Variants in PCDHGA7 observed in about 807,000 individuals in gnomAD.
PCDHGA7 encodes protocadherin gamma-A7.
In PCDHGA7, 44 loss-of-function variants were observed where a neutral mutation model predicts 58.3. The observed-to-expected ratio is 0.75, with a 90% CI of 0.59 to 0.97. The LOEUF is 0.97. PCDHGA7 is among the 50% of genes least tolerant of loss of function. The pLI is 0.00. For synonymous variants in PCDHGA7, 516 were observed against 504.2 expected, an observed-to-expected ratio of 1.02 and a Z score of -0.31; for missense variants, 1,266 against 1,188.7, an observed-to-expected ratio of 1.06 and a Z score of -0.96.
chr5:141,478,143 A>T (rs759384540), intron 1 of PCDHGA7: 1 of 1,614,014 alleles, frequency 6.2e-7, no homozygotes, highest in Non-Finnish European at 8.5e-7. Flanking sequence ...GCCCGAGCCG[A>T]GTTCCCCTCT....
intron 1 of PCDHGA7, chr5:141,421,565 A>T (rs1373619696): frequency 1.2e-6 from 2 of 1,613,834 alleles, no homozygotes; most frequent in Admixed American, 3.3e-5. Context: ...CTCGTGGAAG[A>T]CACCTTGAAG....
intron 3 of PCDHGA7, among the ~76,000 whole-genome samples, chr5:141,509,766 G>A (rs1176830940): frequency 6.6e-6 from 1 of 152,104 alleles, no homozygotes; most frequent in Non-Finnish European, 1.5e-5. Flanking sequence ...TCCCTGAGAT[G>A]TCTAGTCCCC....
At chr5:141,409,034 AACT>A in intron 1 of PCDHGA7, 6 of 1,613,992 alleles carry the variant, frequency 3.7e-6, no homozygotes, top group Non-Finnish European at 4.2e-6. Flanking sequence ...TGCTGAGATA[AACT>A]ACTACTTCCG....
chr5:141,394,724 G>C (rs2093074353), intron 1 of PCDHGA7: 2 of 1,613,380 alleles, frequency 1.2e-6, no homozygotes, highest in Non-Finnish European at 1.7e-6. Context: ...ACAGAGATGC[G>C]CTCAAGCAGA....
At position 141,463,438 on chromosome 5, in the gene PCDHGA7, C is replaced by CTTTTT. The variant is rs71576115; in HGVS notation, c.2425-31345_2425-31341dup. On this transcript the variant is annotated intron_variant, in intron 1 of 3. Coordinates refer to ENST00000518325, the MANE Select transcript of PCDHGA7 (RefSeq NM_018920.4). ...GTTTGCGGATCCTCATTTCCTTCTC[C>CTTTTT]TTTTTTTTTTTTTTTTTTTTTTTTT... is the stretch of plus-strand genomic sequence containing the variant. 3.0e-4 allele frequency among the ~76,000 whole-genome samples: 31 copies of CTTTTT among 103,252 alleles called. 1 individual carries two copies. Among genetic ancestry groups the CTTTTT allele is most frequent in the African/African-American group, 1.2e-3 (26 of 22,402 alleles). The allele number at this position is 103,252 out of a possible 152,430, so 67.7% of individuals were successfully genotyped here.
intron 1 of PCDHGA7, among the ~76,000 whole-genome samples, chr5:141,435,953 G>A (rs2097789156): frequency 6.6e-6 from 1 of 151,984 alleles, no homozygotes; most frequent in Non-Finnish European, 1.5e-5. Context: ...CAAAAAAGGG[G>A]GCAAAATATA....
intron 2 of PCDHGA7, among the ~76,000 whole-genome samples, chr5:141,499,689 CTTTTT>C (rs545067566): frequency 3.3e-5 from 4 of 119,852 alleles, no homozygotes; most frequent in Non-Finnish European, 3.5e-5. Flanking sequence ...TAACAGATGA[CTTTTT>C]TTTTTTTTTT....
In PCDHGA7 at chr5:141,512,022, C is replaced by T. The variant is rs2154594692; in HGVS notation, c.*849C>T. The T allele has an allele frequency of 6.5e-6, 1 of 152,990 alleles. No individual in the cohort carries two copies. The highest frequency in any genetic ancestry group is 1.9e-4 in the East Asian group (1 of 5,186). The allele number at this position is 152,990 out of a possible 1,614,324, so 9.5% of individuals were successfully genotyped here. A position where few individuals can be genotyped will look rare whatever the true frequency, so the allele number is the denominator to read the frequency against. The stretch of plus-strand genomic sequence containing the variant: ...AGCTTGACACATCAAGTTATCAAGG[C>T]CTTGGAGGAGGCTCTGTATGTCCTC... On this transcript the variant is annotated 3_prime_UTR_variant, in exon 4 of 4. Transcript: ENST00000518325.
intron 1 of PCDHGA7, chr5:141,433,007 C>T (rs550227016): frequency 1.2e-6 from 2 of 1,614,198 alleles, no homozygotes; most frequent in Admixed American, 3.3e-5. Context: ...GCAGGCTTTC[C>T]TGCAGACCTA....
chr5:141,412,559 GTTTA>G (rs2095563108), intron 1 of PCDHGA7: 1 of 152,224 alleles, frequency 6.6e-6, no homozygotes, highest in Admixed American at 6.5e-5. Flanking sequence ...TATCTCATGA[GTTTA>G]TTTAATATAA....
At position 141,485,120 on chromosome 5, in the gene PCDHGA7, G is replaced by T; in HGVS notation, c.2425-9687G>T. The T allele has an allele frequency of 7.4e-7, 1 of 1,348,050 alleles. No individual in the cohort carries two copies. Among genetic ancestry groups the T allele is most frequent in the Non-Finnish European group, 1.0e-6 (1 of 952,710 alleles). 83.5% of individuals were successfully genotyped at this position (1,348,050 alleles called of 1,614,324 possible). On this transcript the variant is annotated intron_variant, in intron 1 of 3. Transcript: ENST00000518325. The surrounding 1 kb of genome is among the most constrained non-coding windows in gnomAD (Gnocchi z 5.7). ...TCCAGCTGCTGTGGCTGTTTGGGGC[G>T]GGTCGGCTTCATCCGCGTCTCAGGA...
intron 1 of PCDHGA7, chr5:141,423,126 G>T (rs1397550571): frequency 6.2e-7 from 1 of 1,613,622 alleles, no homozygotes; most frequent in Non-Finnish European, 8.5e-7. Context: ...CGCGGGCACT[G>T]CTGGACAGAG....
At chr5:141,396,792 A>G (rs2093435420) in intron 1 of PCDHGA7, among the ~76,000 whole-genome samples, 1 of 152,202 alleles carries the variant, frequency 6.6e-6, no homozygotes, top group Non-Finnish European at 1.5e-5. Flanking sequence ...GACATTTCCT[A>G]AGGATTGTGT....
At chr5:141,400,681 T>A in intron 1 of PCDHGA7, 1 of 834,118 alleles carries the variant, frequency 1.2e-6, no homozygotes, top group Non-Finnish European at 1.9e-6. Context: ...CAGTAAATTG[T>A]GAGTTTTTAT....
Position 141,485,831 on chromosome 5 carries a change from C to T in PCDHGA7, c.2425-8976C>T. 1 of 1,614,080 alleles carries T rather than the reference C, an allele frequency of 6.2e-7. No individual in the cohort carries two copies. The highest frequency in any genetic ancestry group is 8.5e-7 in the Non-Finnish European group (1 of 1,180,026). ...GCTGACTGCTGTCGATGGAGGGAAC[C>T]CGCCGAGATCTGGCACCGCAGAGCT... On this transcript the variant is annotated intron_variant, in intron 1 of 3. Coordinates refer to ENST00000518325, the MANE Select transcript of PCDHGA7 (RefSeq NM_018920.4). This position sits in a 1 kb window ranked among gnomAD's most constrained non-coding sequence, Gnocchi z 5.7.
Position 141,393,196 on chromosome 5 carries a change from A to G in PCDHGA7, c.2424+7873A>G, listed in dbSNP as rs369051018. 9.7e-5 allele frequency: 157 copies of G among 1,613,374 alleles called. No individual in the cohort carries two copies. The highest frequency in any genetic ancestry group is 1.3e-4 in the Non-Finnish European group (149 of 1,179,898). On this transcript the variant is annotated intron_variant, in intron 1 of 3. Coordinates refer to ENST00000518325, the MANE Select transcript of PCDHGA7 (RefSeq NM_018920.4). ...GAAATAGAAATAATTGATATTAACG[A>G]TAATAACCCAAAATTCCAGGTCGAA...
At chr5:141,428,613 C>T (rs1247239314) in intron 1 of PCDHGA7, 1 of 212,608 alleles carries the variant, frequency 4.7e-6, no homozygotes, top group African/African-American at 2.3e-5. Flanking sequence ...AAGAGAATAA[C>T]AAGATAAGCT....
chr5:141,388,785 G>T, intron 1 of PCDHGA7: 1 of 1,613,868 alleles, frequency 6.2e-7, no homozygotes, highest in South Asian at 1.1e-5. Context: ...GGAAATTACT[G>T]TTTTAAATAC....
Position 141,489,245 on chromosome 5 carries a change from G to A in PCDHGA7, c.2425-5562G>A, listed in dbSNP as rs773391205. 3 of 1,536,634 alleles carry A rather than the reference G, an allele frequency of 2.0e-6. No homozygotes were observed. The South Asian group carries it at 3.9e-5, about 20-fold the overall frequency. On this transcript the variant is annotated intron_variant, in intron 1 of 3. Transcript: ENST00000518325. The surrounding 1 kb of genome is among the most constrained non-coding windows in gnomAD (Gnocchi z 4.5). The stretch of plus-strand genomic sequence containing the variant: ...CCACAAAGGGACTTCTGGGTCATGG[G>A]GCCCAAGACACTCCCACAGCTCGCT...
Sources: gnomAD v4.1 joint callset for allele counts (sites outside exome capture counted in the v4.1 genomes callset) on GRCh38, gnomAD v4.1.1 for gene constraint, Gnocchi (gnomAD v3.1) non-coding constraint, MANE v1.5 for transcripts, NCBI Gene and HGNC (gene_info 2026-07-23, HGNC 2026-07-21) for gene names.